Variants in MOG observed in about 807,000 individuals in gnomAD.
MOG encodes myelin-oligodendrocyte glycoprotein.
Under a neutral mutation model 35.9 loss-of-function variants are expected in MOG, and 20 were observed. That is an observed-to-expected ratio of 0.56 (90% CI 0.39 to 0.81). The LOEUF is 0.81. MOG is among the 30% of genes least tolerant of loss of function. The pLI is 0.00. For synonymous variants in MOG, 92 were observed against 114.3 expected (o/e 0.80, Z 1.25); for missense variants, 251 against 301.0 (o/e 0.83, Z 1.23).
rs750643654 is a variant in MOG, at chr6:29,659,520, G to A, written c.290G>A (p.Arg97Gln). 6.8e-6 allele frequency: 11 copies of A among 1,613,024 alleles called. No homozygotes were observed. The highest frequency in any genetic ancestry group is 1.1e-5 in the South Asian group (1 of 91,072). ...DGDQAPEYRG[R>Q]TELLKDAIGE... ...GACCAGGCACCTGAATATCGGGGCC[G>A]GACAGAGCTGCTGAAAGATGCTATT... Residue 97 changes from arginine to glutamine, a missense_variant, in exon 2 of 8, where the codon CGG (arginine) becomes CAG (glutamine). Arg to Gln is a conservative substitution (Grantham distance 43). Transcript: ENST00000376917.
At chr6:29,658,983 G>A (rs1349092952) in intron 1 of MOG, among the ~76,000 whole-genome samples, 2 of 152,062 alleles carry the variant, frequency 1.3e-5, no homozygotes, top group Non-Finnish European at 2.9e-5. Flanking sequence ...GCGGCGGTAG[G>A]TGCCTGTAAT....
At chr6:29,666,689 G>A (rs1326550578) in intron 3 of MOG, among the ~76,000 whole-genome samples, 2 of 152,202 alleles carry the variant, frequency 1.3e-5, no homozygotes, top group African/African-American at 2.4e-5. Flanking sequence ...AGATACTGAA[G>A]TGAAAGTCTC....
chr6:29,657,428 C>T, intron 1 of MOG, 131 bp downstream of exon 1: 2 of 743,542 alleles, frequency 2.7e-6, no homozygotes, highest in South Asian at 3.1e-5. Flanking sequence ...ACTGACATGC[C>T]TCCCTTCCTC....
chr6:29,666,290 C>G, intron 3 of MOG, 25 bp downstream of exon 3: 1 of 1,401,458 alleles, frequency 7.1e-7, no homozygotes, highest in Non-Finnish European at 1.0e-6. Context: ...GTGGGTGGAT[C>G]AGGATCCTTT....
chr6:29,661,524 C>T, intron 2 of MOG: 1 of 985,006 alleles, frequency 1.0e-6, no homozygotes. Context: ...TTCACCACAC[C>T]AAAAAAGGAA....
Position 29,670,719 on chromosome 6 carries a change from T to C in MOG, c.728T>C (p.Leu243Pro). The C allele has an allele frequency of 2.5e-6, 4 of 1,612,288 alleles. No individual in the cohort carries two copies. Among genetic ancestry groups the C allele is most frequent in the Non-Finnish European group, 3.4e-6 (4 of 1,179,588 alleles). ...RRLAGQFLEE[L>P]RNPF is the part of the protein sequence containing the mutation. ...TTTTCAGGGCAATTCCTTGAAGAGC[T>C]ACGTAAGTTCTCTTCTCTCTGTTAT... The change falls in exon 7 of 8, where the codon CTA becomes CCA. Residue 243 changes from leucine to proline, a missense_variant and splice_region_variant. Leu to Pro is a moderately conservative substitution (Grantham distance 98, BLOSUM62 -3). Coordinates refer to ENST00000376917, the MANE Select transcript of MOG (RefSeq NM_206809.4). This position sits in a 1 kb window ranked among gnomAD's most constrained non-coding sequence, Gnocchi z 4.2.
chr6:29,664,426 C>G (rs991742931), intron 2 of MOG, among the ~76,000 whole-genome samples: 1 of 151,960 alleles, frequency 6.6e-6, no homozygotes, highest in Non-Finnish European at 1.5e-5. Flanking sequence ...AAGCCGGTCT[C>G]GAACTCCTGA....
chr6:29,669,963 G>A (rs773046674), intron 5 of MOG, among the ~76,000 whole-genome samples: 1 of 152,108 alleles, frequency 6.6e-6, no homozygotes, highest in South Asian at 2.1e-4. Flanking sequence ...TAGAGATGGG[G>A]TTTCACCATG....
Position 29,670,181 on chromosome 6 carries a change from T to C in MOG, c.593-100T>C. The C allele has an allele frequency of 6.2e-7, 1 of 1,609,736 alleles. No homozygotes were observed. On this transcript the variant is annotated intron_variant, in intron 5 of 7. Transcript: ENST00000376917. This position sits in a 1 kb window ranked among gnomAD's most constrained non-coding sequence, Gnocchi z 4.2. ...TCTGAATTTTGTCCCCAGAGTCCTT[T>C]GGTGTTCTAGGACCCCAGGTTAAGG...
At chr6:29,669,997 T>C (rs1771102717) in intron 5 of MOG, 2 of 682,674 alleles carry the variant, frequency 2.9e-6, no homozygotes, top group Non-Finnish European at 5.3e-6. Flanking sequence ...TCTTGAACTC[T>C]TGGCCTCATG....
chr6:29,657,362 C>T (rs2535273), intron 1 of MOG, 65 bp downstream of exon 1: 1 of 1,203,388 alleles, frequency 8.3e-7, no homozygotes, highest in Non-Finnish European at 1.2e-6. Context: ...TTTCCTGGGG[C>T]TTAGCTCCTT....
At chr6:29,664,692 C>T (rs1174306262) in intron 2 of MOG, 2 of 449,300 alleles carry the variant, frequency 4.5e-6, no homozygotes, top group African/African-American at 4.0e-5. Context: ...GCAGCCTCCA[C>T]CTCCCAGGCT....
At chr6:29,661,776 A>T in intron 2 of MOG, 1 of 969,912 alleles carries the variant, frequency 1.0e-6, no homozygotes, top group Non-Finnish European at 1.2e-6. Flanking sequence ...AGATCGTGCC[A>T]TTACACTCCA....
At position 29,662,457 on chromosome 6, in the gene MOG, T is replaced by G. The variant is rs1332642401; in HGVS notation, c.436+2791T>G. Among the ~76,000 whole-genome samples, 6 of 150,580 alleles carry G rather than the reference T, an allele frequency of 4.0e-5. No individual in the cohort carries two copies. Among genetic ancestry groups the G allele is most frequent in the Non-Finnish European group, 5.9e-5 (4 of 67,824 alleles). ...AAGATCGCGCCATTGCACTCCAGCCTGGGCAACAAGAGCAAAACTCTGTCT... is the reference window on the plus strand; with the variant it reads ...AAGATCGCGCCATTGCACTCCAGCCGGGGCAACAAGAGCAAAACTCTGTCT... On this transcript the variant is annotated intron_variant, in intron 2 of 7. Transcript: ENST00000376917. This position sits in a 1 kb window ranked among gnomAD's most constrained non-coding sequence, Gnocchi z 4.2.
intron 2 of MOG, among the ~76,000 whole-genome samples, chr6:29,665,301 G>A (rs1769964226): frequency 6.6e-6 from 1 of 151,720 alleles, no homozygotes; most frequent in Non-Finnish European, 1.5e-5. Context: ...TCTCCATGTT[G>A]GTCAGGCTGG....
chr6:29,669,308 C>CTT (rs9280635), intron 5 of MOG, among the ~76,000 whole-genome samples: 1 of 147,984 alleles, frequency 6.8e-6, no homozygotes, highest in Non-Finnish European at 1.5e-5. Context: ...TTCTTTCTTT[C>CTT]TTTTTTTTTG....
Position 29,662,470 on chromosome 6 carries a change from C to G in MOG, c.436+2804C>G, listed in dbSNP as rs1054424898. ...TGCACTCCAGCCTGGGCAACAAGAG[C>G]AAAACTCTGTCTCAAAAAAAAAAAA... On this transcript the variant is annotated intron_variant, in intron 2 of 7. Transcript: ENST00000376917. The surrounding 1 kb of genome is among the most constrained non-coding windows in gnomAD (Gnocchi z 4.2). Among the ~76,000 whole-genome samples the G allele has an allele frequency of 2.7e-4, 39 of 145,436 alleles. No homozygotes were observed. Among genetic ancestry groups the G allele is most frequent in the Non-Finnish European group, 4.6e-4 (31 of 66,774 alleles).
intron 2 of MOG, among the ~76,000 whole-genome samples, chr6:29,660,613 G>GC (rs1768443054): frequency 6.8e-6 from 1 of 148,096 alleles, no homozygotes; most frequent in African/African-American, 2.5e-5. Context: ...TAGTGAATAA[G>GC]CAAGTAAATC....
At chr6:29,664,298 C>T (rs1769666130) in intron 2 of MOG, among the ~76,000 whole-genome samples, 1 of 151,872 alleles carries the variant, frequency 6.6e-6, no homozygotes, top group Non-Finnish European at 1.5e-5. Flanking sequence ...CCCTCCAACT[C>T]CCAGGTTCAT....
Sources: gnomAD v4.1 joint callset for allele counts (sites outside exome capture counted in the v4.1 genomes callset) on GRCh38, gnomAD v4.1.1 for gene constraint, Gnocchi (gnomAD v3.1) non-coding constraint, MANE v1.5 for transcripts, NCBI Gene and HGNC (gene_info 2026-07-23, HGNC 2026-07-21) for gene names.